Variants in WRN observed in about 807,000 individuals in gnomAD.
WRN encodes WRN RecQ like helicase.
A neutral mutation model predicts 180.7 loss-of-function variants in WRN; 149 were observed. The observed-to-expected ratio is 0.82, with a 90% CI of 0.72 to 0.94. The LOEUF is 0.94. WRN is among the 40% of genes least tolerant of loss of function. The pLI is 0.00. For synonymous variants in WRN, 548 were observed against 568.9 expected, an observed-to-expected ratio of 0.96 and a Z score of 0.52; for missense variants, 1,661 against 1,700.1, an observed-to-expected ratio of 0.98 and a Z score of 0.40.
chr8:31,062,581 T>C (rs1289943563), intron 3 of WRN, among the ~76,000 whole-genome samples: 2 of 151,584 alleles, frequency 1.3e-5, no homozygotes, highest in African/African-American at 2.4e-5. Context: ...ATAATTTATA[T>C]ATATATTTTT....
intron 11 of WRN, among the ~76,000 whole-genome samples, chr8:31,086,851 G>A (rs1813550611): frequency 6.6e-6 from 1 of 152,140 alleles, no homozygotes; most frequent in South Asian, 2.1e-4. Flanking sequence ...TCTCTGAGAA[G>A]TACTGTTCCA....
chr8:31,105,540 C>T (rs1481655699), intron 18 of WRN, among the ~76,000 whole-genome samples: 1 of 152,160 alleles, frequency 6.6e-6, no homozygotes, highest in Non-Finnish European at 1.5e-5. Context: ...CACCTTACTG[C>T]AACCTCTGCC....
intron 1 of WRN, among the ~76,000 whole-genome samples, chr8:31,048,770 G>C (rs1284450452): frequency 6.6e-6 from 1 of 152,142 alleles, no homozygotes; most frequent in East Asian, 1.9e-4. Context: ...GAAAATTAGG[G>C]TATTGACAAC....
Position 31,059,192 on chromosome 8 carries a change from T to C in WRN, c.136T>C (p.Phe46Leu). Residue 46 changes from phenylalanine (F) to leucine (L), a missense_variant, in exon 3 of 35, where the codon TTC (phenylalanine) becomes CTC (leucine). Phe to Leu is a conservative substitution (Grantham distance 22, BLOSUM62 0). This residue lies in a region of WRN where 500 missense variants were observed against 504.1 expected (regional missense o/e 0.99). Coordinates refer to ENST00000298139, the MANE Select transcript of WRN (RefSeq NM_000553.6). The part of the protein sequence containing the change: ...RKSVFEDDLP[F>L]LEFTGSIVYS... The stretch of plus-strand genomic sequence containing the variant: ...GAGTGTTTTTGAAGATGACCTCCCC[T>C]TCTTAGAATTCACTGGATCCATTGT... 1 of 1,613,896 alleles carries C rather than the reference T, an allele frequency of 6.2e-7. No homozygotes were observed. The highest frequency in any genetic ancestry group is 1.1e-5 in the South Asian group (1 of 91,078).
intron 34 of WRN, among the ~76,000 whole-genome samples, chr8:31,167,644 T>A (rs978075300): frequency 6.6e-6 from 1 of 152,110 alleles, no homozygotes; most frequent in Non-Finnish European, 1.5e-5. Flanking sequence ...TAGTATGATA[T>A]TGAATATCTG....
intron 28 of WRN, among the ~76,000 whole-genome samples, chr8:31,145,113 C>T (rs143960298): frequency 0.012 from 1,803 of 152,272 alleles, 32 homozygotes; most frequent in African/African-American, 0.041. Flanking sequence ...GAAGCTGTAG[C>T]AAGTTATCCA....
chr8:31,141,255 T>C (rs1031156309), intron 24 of WRN, among the ~76,000 whole-genome samples, 175 bp from the exon 25 acceptor site: 1 of 152,188 alleles, frequency 6.6e-6, no homozygotes, highest in African/African-American at 2.4e-5. Context: ...ATTTTGATAA[T>C]GTATTTATTT....
chr8:31,156,027 A>G (rs904417317), intron 32 of WRN, among the ~76,000 whole-genome samples: 2 of 152,248 alleles, frequency 1.3e-5, no homozygotes, highest in Admixed American at 1.3e-4. Flanking sequence ...CCATTATACT[A>G]TTTTTGAAAT....
intron 17 of WRN, among the ~76,000 whole-genome samples, chr8:31,099,676 T>C (rs777544355): frequency 2.6e-5 from 4 of 152,026 alleles, no homozygotes; most frequent in African/African-American, 4.8e-5. Flanking sequence ...CTTTTAGAAT[T>C]GTGAACTCCT....
chr8:31,173,090 T>G lies in WRN; in HGVS notation c.4287T>G (p.Gly1429=). 6.2e-7 allele frequency: 1 copy of G among 1,613,590 alleles called. No individual in the cohort carries two copies. Among genetic ancestry groups the G allele is most frequent in the South Asian group, 1.1e-5 (1 of 91,054 alleles). Reference sequence around the variant, plus strand: ...TAATGGACAAAACGAAAAGGGGAGGTCTTTTTAGTTAAGCTGGCAATTACC... The same window carrying G: ...TAATGGACAAAACGAAAAGGGGAGGGCTTTTTAGTTAAGCTGGCAATTACC... ...KKLMDKTKRG[G]LFS Residue 1429 remains glycine (G), a synonymous_variant, in exon 35 of 35, where the codon GGT becomes GGG. Transcript: ENST00000298139.
Position 31,120,541 on chromosome 8 carries a change from T to TAA in WRN, c.2630+131_2630+132dup, listed in dbSNP as rs368026803. ...AAGTAATTTGTGAGTGCATTTAAAG[T>TAA]AAAAAAAAAAAAAAAGAAAAATAAA... On this transcript the variant is annotated intron_variant, in intron 21 of 34. Transcript: ENST00000298139. 7.4e-3 allele frequency: 5,066 copies of TAA among 687,432 alleles called. 6 individuals are homozygous for TAA. Among genetic ancestry groups the TAA allele is most frequent in the African/African-American group, 0.019 (950 of 49,548 alleles). 42.6% of individuals were successfully genotyped at this position (687,432 alleles called of 1,614,324 possible). A position where few individuals can be genotyped will look rare whatever the true frequency, so the allele number is the denominator to read the frequency against.
intron 30 of WRN, 44 bp from the exon 31 acceptor site, chr8:31,150,297 T>C: frequency 6.7e-7 from 1 of 1,497,842 alleles, no homozygotes; most frequent in South Asian, 1.1e-5. Flanking sequence ...GTTTCAGTGG[T>C]TTCTTGACCT....
rs556921495 is a variant in WRN, at chr8:31,092,825, C to T, written c.1898+927C>T. On this transcript the variant is annotated intron_variant, in intron 16 of 34. Transcript: ENST00000298139. Reference sequence around the variant, plus strand: ...TTCTCTACCATAGTTTGGTAGAATGCCATATAAATGCAGTCACACAATATT... The same window carrying T: ...TTCTCTACCATAGTTTGGTAGAATGTCATATAAATGCAGTCACACAATATT... 2.0e-5 allele frequency among the ~76,000 whole-genome samples: 3 copies of T among 152,226 alleles called. No individual in the cohort carries two copies. The East Asian group carries it at 5.8e-4, about 29-fold the overall frequency.
intron 31 of WRN, among the ~76,000 whole-genome samples, chr8:31,153,400 C>G (rs1284614731): frequency 1.3e-5 from 2 of 151,960 alleles, no homozygotes; most frequent in Non-Finnish European, 2.9e-5. Context: ...CAGTAAATAC[C>G]CATTTTGTCT....
At chr8:31,127,939 AAAT>A (rs896880266) in intron 23 of WRN, among the ~76,000 whole-genome samples, 3 of 151,976 alleles carry the variant, frequency 2.0e-5, no homozygotes, top group South Asian at 2.1e-4. Flanking sequence ...CACATAAAAA[AAAT>A]AATAATAATG....
chr8:31,123,699 G>A (rs1801812125), intron 21 of WRN, among the ~76,000 whole-genome samples: 2 of 151,830 alleles, frequency 1.3e-5, no homozygotes, highest in South Asian at 2.1e-4. Context: ...TAAGTAAATC[G>A]TTGTTTTCTT....
chr8:31,050,456 A>G (rs895538029), intron 1 of WRN, among the ~76,000 whole-genome samples: 1 of 151,878 alleles, frequency 6.6e-6, no homozygotes, highest in Non-Finnish European at 1.5e-5. Context: ...TTGTGCTCCT[A>G]TATGACATTG....
At chr8:31,100,297 C>T (rs1304032047) in intron 17 of WRN, among the ~76,000 whole-genome samples, 1 of 152,180 alleles carries the variant, frequency 6.6e-6, no homozygotes, top group African/African-American at 2.4e-5. Context: ...CTTCTTACTA[C>T]TTTGTGCATC....
intron 16 of WRN, among the ~76,000 whole-genome samples, chr8:31,095,859 T>C (rs1813944862): frequency 1.3e-5 from 2 of 152,222 alleles, no homozygotes; most frequent in Non-Finnish European, 2.9e-5. Flanking sequence ...GGCTATTCTA[T>C]GTCCTTTGTA....
Sources: allele counts gnomAD v4.1 joint callset (sites outside exome capture counted in the v4.1 genomes callset), GRCh38; gene constraint gnomAD v4.1.1; regional missense constraint gnomAD v4.1.1; transcripts MANE v1.5; gene names NCBI Gene and HGNC (gene_info 2026-07-23, HGNC 2026-07-21).